The following PLCG1 variants were observed in gnomAD, a reference collection of about 807,000 sequenced individuals.
The protein encoded by PLCG1 is 1-phosphatidylinositol 4,5-bisphosphate phosphodiesterase gamma-1.
Under a neutral mutation model 177.8 loss-of-function variants are expected in PLCG1, and 71 were observed. The observed-to-expected ratio is 0.40, with a 90% CI of 0.33 to 0.49. The LOEUF (loss-of-function observed/expected upper bound fraction) is 0.49. Ranked by LOEUF, PLCG1 falls within the 20% of genes least tolerant of loss-of-function variation. The pLI is 0.72. For missense variants in PLCG1, 1,281 were observed against 1,709.0 expected (o/e 0.75, Z 4.42); for synonymous variants, 658 against 647.9 (o/e 1.02, Z -0.24).
intron 1 of PLCG1, among the ~76,000 whole-genome samples, chr20:41,138,777 G>C (rs73907106): frequency 3.3e-5 from 5 of 152,128 alleles, no homozygotes; most frequent in Admixed American, 6.5e-5. Flanking sequence ...CTGCTTTTGC[G>C]CTGGTCTCTA....
At chr20:41,169,222 C>G in intron 22 of PLCG1, 47 bp downstream of exon 22, 2 of 1,364,604 alleles carry the variant, frequency 1.5e-6, no homozygotes, top group Non-Finnish European at 2.1e-6. Context: ...TTCCCAGATT[C>G]TCCTTGGCAT....
At chr20:41,162,327 G>T in intron 4 of PLCG1, 125 bp from the exon 5 acceptor site, 2 of 459,484 alleles carry the variant, frequency 4.4e-6, no homozygotes, top group Non-Finnish European at 4.1e-6. Flanking sequence ...ATCCAGTCTT[G>T]CCCTCAGGCC....
Position 41,173,641 on chromosome 20 carries a change from T to A in PLCG1, c.3395-11T>A. ...ACGGTGACCTGAAGCCTTTTGTCGT[T>A]GCCTTCACAGTGGACAATGGACTCA... On this transcript the variant is annotated splice_polypyrimidine_tract_variant and intron_variant, in intron 28 of 31. Coordinates refer to ENST00000685551, the MANE Select transcript of PLCG1 (RefSeq NM_002660.3). This position sits in a 1 kb window ranked among gnomAD's most constrained non-coding sequence, Gnocchi z 6.2. 6.2e-7 allele frequency: 1 copy of A among 1,614,188 alleles called. No individual in the cohort carries two copies. The highest frequency in any genetic ancestry group is 8.5e-7 in the Non-Finnish European group (1 of 1,180,020).
At chr20:41,169,301 G>T in intron 22 of PLCG1, 126 bp downstream of exon 22, 1 of 930,736 alleles carries the variant, frequency 1.1e-6, no homozygotes, top group Non-Finnish European at 1.8e-6. Flanking sequence ...TGGTCGCACA[G>T]CCCATGTGGC....
At position 41,163,408 on chromosome 20, in the gene PLCG1, C is replaced by T. The variant is rs749695292; in HGVS notation, c.820C>T (p.Gln274Ter). 1 of 1,613,352 alleles carries T rather than the reference C, an allele frequency of 6.2e-7. No homozygotes were observed. Among genetic ancestry groups the T allele is most frequent in the Admixed American group, 1.7e-5 (1 of 60,012 alleles). ...GTGGGCTGTTGATCGCCTCCAGGTG[C>T]AGGAGTTCATGCTCAGCTTCCTCCG... is the stretch of plus-strand genomic sequence containing the variant. ...ELWAVDRLQV[Q>*]EFMLSFLRDP... The change falls in exon 9 of 32, where the codon CAG becomes TAG. Residue 274 changes from glutamine to a stop codon, truncating the protein, a stop_gained. Transcript: ENST00000685551. LOFTEE classifies it high-confidence loss of function. This position sits in a 1 kb window ranked among gnomAD's most constrained non-coding sequence, Gnocchi z 5.2.
rs1568733744 is a variant in PLCG1, at chr20:41,153,018, TG to T, written c.218-6584del. On this transcript the variant is annotated intron_variant, in intron 1 of 31. Coordinates refer to ENST00000685551, the MANE Select transcript of PLCG1 (RefSeq NM_002660.3). The surrounding 1 kb of genome is among the most constrained non-coding windows in gnomAD (Gnocchi z 5.1). ...CCTTCCTCCAGTGCCCTCTGCAGAG[TG>T]GGGCACACAGGCCTTGAGGGGTTCT... Among the ~76,000 whole-genome samples the T allele has an allele frequency of 6.6e-6, 1 of 151,860 alleles. No homozygotes were observed.
rs541004998 is a variant in PLCG1, at chr20:41,147,350, T to C, written c.217+9492T>C. On this transcript the variant is annotated intron_variant, in intron 1 of 31. Coordinates refer to ENST00000685551, the MANE Select transcript of PLCG1 (RefSeq NM_002660.3). This position sits in a 1 kb window ranked among gnomAD's most constrained non-coding sequence, Gnocchi z 4.0. ...CCCTCCAGTGAGAACAGAATGTCTG[T>C]TGCCAGACTGATCACAAGAGGATGG... Among the ~76,000 whole-genome samples, 6 of 152,354 alleles carry C rather than the reference T, an allele frequency of 3.9e-5. No homozygotes were observed. The highest frequency in any genetic ancestry group is 8.8e-5 in the Non-Finnish European group (6 of 68,034).
At position 41,163,272 on chromosome 20, in the gene PLCG1, G is replaced by A; in HGVS notation, c.786G>A (p.Gln262=). 6.4e-7 allele frequency: 1 copy of A among 1,568,888 alleles called. No homozygotes were observed. Among genetic ancestry groups the A allele is most frequent in the Non-Finnish European group, 8.6e-7 (1 of 1,158,680 alleles). The change falls in exon 8 of 32, where the codon CAG becomes CAA. Residue 262 remains glutamine (Q), a synonymous_variant. Coordinates refer to ENST00000685551, the MANE Select transcript of PLCG1 (RefSeq NM_002660.3). The surrounding 1 kb of genome is among the most constrained non-coding windows in gnomAD (Gnocchi z 5.2). ...PEFQQFLLDY[Q]GELWAVDRLQ... ...TCCAGCAGTTCCTTCTTGACTACCA[G>A]GGGGTATGGCTGGGCTGACATTGGC...
At chr20:41,169,435 T>G in intron 22 of PLCG1, 22 bp from the exon 23 acceptor site, 1 of 1,593,426 alleles carries the variant, frequency 6.3e-7, no homozygotes, top group Non-Finnish European at 8.6e-7. Context: ...TGCTGACCAT[T>G]GGTGGGCTTT....
rs1028633402 is a variant in PLCG1 at position 41,164,544 on chromosome 20, C to T, written c.1217+343C>T. The stretch of plus-strand genomic sequence containing the variant: ...CACAGCCCAGAAGATTGTCTCTGTT[C>T]CCTGTGTCCCATTCCTTCAATTCTG... On this transcript the variant is annotated intron_variant, in intron 12 of 31. Transcript: ENST00000685551. The surrounding 1 kb of genome is among the most constrained non-coding windows in gnomAD (Gnocchi z 6.4). 6.6e-6 allele frequency among the ~76,000 whole-genome samples: 1 copy of T among 152,118 alleles called. No individual in the cohort carries two copies. The highest frequency in any genetic ancestry group is 1.5e-5 in the Non-Finnish European group (1 of 68,018).
Position 41,156,948 on chromosome 20 carries a change from G to A in PLCG1, c.218-2658G>A, listed in dbSNP as rs749797056. 1.3e-5 allele frequency among the ~76,000 whole-genome samples: 2 copies of A among 152,254 alleles called. No individual in the cohort carries two copies. Among genetic ancestry groups the A allele is most frequent in the Non-Finnish European group, 2.9e-5 (2 of 68,040 alleles). On this transcript the variant is annotated intron_variant, in intron 1 of 31. Transcript: ENST00000685551. This position sits in a 1 kb window ranked among gnomAD's most constrained non-coding sequence, Gnocchi z 5.0. Reference sequence around the variant, plus strand: ...TATTTGTTCTGGGAGGCAGGAAGATGAAGGGTGAGGTTGGGAGGTAGCACA... The same window carrying A: ...TATTTGTTCTGGGAGGCAGGAAGATAAAGGGTGAGGTTGGGAGGTAGCACA...
Position 41,146,976 on chromosome 20 carries a change from G to A in PLCG1, c.217+9118G>A, listed in dbSNP as rs2035013390. Among the ~76,000 whole-genome samples, 1 of 152,148 alleles carries A rather than the reference G, an allele frequency of 6.6e-6. No individual in the cohort carries two copies. Among genetic ancestry groups the A allele is most frequent in the South Asian group, 2.1e-4 (1 of 4,824 alleles). On this transcript the variant is annotated intron_variant, in intron 1 of 31. Transcript: ENST00000685551. This position sits in a 1 kb window ranked among gnomAD's most constrained non-coding sequence, Gnocchi z 6.3. ...TACTTGGGGGCAGGAGGTGAGCTAAGGAATACAACTCCATTCCCTCAGTTG... is the reference window on the plus strand; with the variant it reads ...TACTTGGGGGCAGGAGGTGAGCTAAAGAATACAACTCCATTCCCTCAGTTG...
Position 41,166,921 on chromosome 20 carries a change from A to G in PLCG1, c.2301+62A>G. ...GGCAGGAGAGACCCAGAATCTTACC[A>G]GTCTCTGGATGTGTGTAACAGCAAG... On this transcript the variant is annotated intron_variant, in intron 19 of 31. Transcript: ENST00000685551. The surrounding 1 kb of genome is among the most constrained non-coding windows in gnomAD (Gnocchi z 8.6). 6.8e-7 allele frequency: 1 copy of G among 1,481,130 alleles called. No individual in the cohort carries two copies. Among genetic ancestry groups the G allele is most frequent in the Non-Finnish European group, 9.4e-7 (1 of 1,063,914 alleles). The allele number at this position is 1,481,130 out of a possible 1,614,324, so 91.7% of individuals were successfully genotyped here. A position where few individuals can be genotyped will look rare whatever the true frequency, so the allele number is the denominator to read the frequency against.
chr20:41,162,348 C>T, intron 4 of PLCG1, 104 bp from the exon 5 acceptor site: 1 of 774,130 alleles, frequency 1.3e-6, no homozygotes, highest in Non-Finnish European at 2.2e-6. Context: ...TCCAGGTTCC[C>T]AGAATAGTGT....
Position 41,168,762 on chromosome 20 carries a change from T to C in PLCG1, c.2380-5T>C. On this transcript the variant is annotated splice_region_variant and splice_polypyrimidine_tract_variant and intron_variant, in intron 20 of 31. Transcript: ENST00000685551. ...TGCTCTGACTGGTGCTTCTCACCTC[T>C]GCAGTGTGCAGTCAAAGCCCTCTTT... 1 of 1,581,928 alleles carries C rather than the reference T, an allele frequency of 6.3e-7. No individual in the cohort carries two copies. Among genetic ancestry groups the C allele is most frequent in the South Asian group, 1.1e-5 (1 of 89,864 alleles).
At position 41,173,924 on chromosome 20, in the gene PLCG1, A is replaced by T. The variant is rs150557116; in HGVS notation, c.3558A>T (p.Gly1186=). ...GGGCCAGGCTTTTCCTCCTCCTAGGATACAGAGCAGTGCCTTTGAAGAACA... is the reference window on the plus strand; with the variant it reads ...GGGCCAGGCTTTTCCTCCTCCTAGGTTACAGAGCAGTGCCTTTGAAGAACA... ...ATFPVKGLKT[G]YRAVPLKNNY... The change falls in exon 30 of 32, where the codon GGA becomes GGT. Residue 1186 remains glycine (G), a splice_region_variant and synonymous_variant. Coordinates refer to ENST00000685551, the MANE Select transcript of PLCG1 (RefSeq NM_002660.3). The surrounding 1 kb of genome is among the most constrained non-coding windows in gnomAD (Gnocchi z 6.2). The T allele has an allele frequency of 2.5e-6, 4 of 1,613,748 alleles. No individual in the cohort carries two copies. The highest frequency in any genetic ancestry group is 1.7e-5 in the Admixed American group (1 of 59,992).
Position 41,165,779 on chromosome 20 carries a change from C to T in PLCG1, c.1752C>T (p.Leu584=), listed in dbSNP as rs149803392. The change falls in exon 16 of 32, where the codon CTC becomes CTT. Residue 584 remains leucine (L), a synonymous_variant. Coordinates refer to ENST00000685551, the MANE Select transcript of PLCG1 (RefSeq NM_002660.3). The surrounding 1 kb of genome is among the most constrained non-coding windows in gnomAD (Gnocchi z 6.6). ...CCGGAGCCCCTGACGGCTCCTTCCT[C>T]GTGCGAGAGAGTGAGACCTTCGTGG... ...IETGAPDGSF[L]VRESETFVGD... is the part of the protein sequence containing the mutation. The T allele has an allele frequency of 6.0e-5, 96 of 1,605,202 alleles. No homozygotes were observed. The African/African-American group carries it at 1.0e-3, about 17-fold the overall frequency.
At chr20:41,152,475 C>G (rs1347282809) in intron 1 of PLCG1, among the ~76,000 whole-genome samples, 3 of 152,214 alleles carry the variant, frequency 2.0e-5, no homozygotes, top group Admixed American at 2.0e-4. Context: ...CCTCACTGAC[C>G]ACTGCATTTT....
chr20:41,140,713 C>T (rs2034795699), intron 1 of PLCG1, among the ~76,000 whole-genome samples: 1 of 152,148 alleles, frequency 6.6e-6, no homozygotes, highest in African/African-American at 2.4e-5. Context: ...TTTGGTTGTC[C>T]TGGTGGTATG....
Sources: gnomAD v4.1 joint callset for allele counts (sites outside exome capture counted in the v4.1 genomes callset) on GRCh38, gnomAD v4.1.1 for gene constraint, Gnocchi (gnomAD v3.1) non-coding constraint, MANE v1.5 for transcripts, NCBI Gene and HGNC (gene_info 2026-07-23, HGNC 2026-07-21) for gene names.